The following PRH1 variants were observed in gnomAD, a reference collection of about 807,000 sequenced individuals.
PRH1 encodes the protein salivary acidic proline-rich phosphoprotein 1/2.
Under a neutral mutation model 7.9 loss-of-function variants are expected in PRH1, and 7 were observed. The observed-to-expected ratio is 0.89, with a 90% CI of 0.50 to 1.67. PRH1 has a LOEUF of 1.67. Ranked by LOEUF, PRH1 falls within the 40% of genes most tolerant of loss-of-function variation. PRH1 has a pLI of 0.00. For missense variants in PRH1, 109 were observed against 223.6 expected, an observed-to-expected ratio of 0.49 and a Z score of 3.27; for synonymous variants, 45 against 80.8, an observed-to-expected ratio of 0.56 and a Z score of 2.38.
chr12:11,071,499 G>C (rs1944067934), intron 1 of PRH1, among the ~76,000 whole-genome samples: 1 of 152,178 alleles, frequency 6.6e-6, no homozygotes, highest in Non-Finnish European at 1.5e-5. Flanking sequence ...CAGACACAAA[G>C]GAATGTAGAG....
At chr12:10,938,774 A>G (rs1407255356) in intron 2 of PRH1, 2 of 1,613,620 alleles carry the variant, frequency 1.2e-6, no homozygotes, top group African/African-American at 2.7e-5. Flanking sequence ...TATCAGTGCA[A>G]TATTTAAAAA....
At chr12:11,130,607 G>C (rs1395575713) in intron 1 of PRH1, among the ~76,000 whole-genome samples, 1 of 152,222 alleles carries the variant, frequency 6.6e-6, no homozygotes, top group African/African-American at 2.4e-5. Flanking sequence ...GGAATTCAAA[G>C]CTGCTAGAGG....
chr12:11,060,774 T>C (rs572660149), intron 1 of PRH1, among the ~76,000 whole-genome samples: 1 of 100,220 alleles, frequency 1.0e-5, no homozygotes, highest in East Asian at 2.3e-4. Context: ...TGCATTGTTT[T>C]CTATCAATAA....
intron 1 of PRH1, among the ~76,000 whole-genome samples, chr12:11,123,358 C>G (rs1945982364): frequency 6.6e-6 from 1 of 151,728 alleles, no homozygotes; most frequent in Middle Eastern, 3.2e-3. Flanking sequence ...TTTATACGGT[C>G]CTTGATTATG....
chr12:10,982,529 A>G (rs967312394), intron 1 of PRH1, among the ~76,000 whole-genome samples: 1 of 152,316 alleles, frequency 6.6e-6, no homozygotes, highest in South Asian at 2.1e-4. Flanking sequence ...AGGAAAATCA[A>G]AACAATTTGC....
At chr12:11,073,782 G>A (rs146890616) in intron 1 of PRH1, among the ~76,000 whole-genome samples, 2,020 of 151,900 alleles carry the variant, frequency 0.013, 1 homozygote, top group Middle Eastern at 0.027. Flanking sequence ...GGCATGCATC[G>A]TGGGCATTAT....
At chr12:11,103,448 C>G (rs1436719603) in intron 1 of PRH1, among the ~76,000 whole-genome samples, 2 of 150,430 alleles carry the variant, frequency 1.3e-5, no homozygotes, top group Non-Finnish European at 3.0e-5. Flanking sequence ...GACAGAAAAC[C>G]AAACTCCACG....
At chr12:10,906,498 T>C (rs757104152) in intron 2 of PRH1, among the ~76,000 whole-genome samples, 11 of 152,190 alleles carry the variant, frequency 7.2e-5, no homozygotes, top group Admixed American at 1.3e-4. Flanking sequence ...CAGAATGATA[T>C]GGTCTGGCTG....
In PRH1 at chr12:11,123,018, G is replaced by T. The variant is rs139170805; in HGVS notation, n.40-1838C>A. ...TTTTTTTATTTTCTTTGTACTTTAC[G>T]AACAAAGCATGCAACCCTAAACTCA... On this transcript the variant is annotated intron_variant and non_coding_transcript_variant, in intron 1 of 1. Coordinates refer to the PRH1 transcript ENST00000541175. 2.2e-3 allele frequency among the ~76,000 whole-genome samples: 317 copies of T among 146,650 alleles called. 2 individuals are homozygous for T. The highest frequency in any genetic ancestry group is 3.2e-3 in the Admixed American group (46 of 14,576).
chr12:11,047,596 T>C (rs1194562377), upstream of PRH1, among the ~76,000 whole-genome samples: 1 of 152,100 alleles, frequency 6.6e-6, no homozygotes, highest in Non-Finnish European at 1.5e-5. Context: ...ATAACAGCAC[T>C]GAAAGTATCA....
At chr12:11,070,786 A>T (rs1455950812) in intron 1 of PRH1, among the ~76,000 whole-genome samples, 6 of 151,540 alleles carry the variant, frequency 4.0e-5, no homozygotes, top group African/African-American at 1.5e-4. Context: ...GGTCCATGAG[A>T]TGGAGTAGGA....
chr12:10,908,351 T>C (rs1949836004), intron 2 of PRH1: 4 of 1,564,996 alleles, frequency 2.6e-6, no homozygotes, highest in Non-Finnish European at 3.5e-6. Context: ...TATTCAATAA[T>C]CTGTGGTCTG....
intron 1 of PRH1, among the ~76,000 whole-genome samples, chr12:11,074,741 G>A (rs1206685463): frequency 8.6e-6 from 1 of 115,710 alleles, no homozygotes; most frequent in African/African-American, 2.9e-5. Flanking sequence ...GTTGGATAAT[G>A]TAAGGAAGAA....
At chr12:10,930,316 T>C (rs1330780133) in intron 2 of PRH1, 33 of 1,609,136 alleles carry the variant, frequency 2.1e-5, no homozygotes, top group Non-Finnish European at 2.7e-5. Flanking sequence ...TAAATCCCAA[T>C]AAATTCTCAG....
At chr12:10,922,286 C>CT (rs2135849412) in intron 2 of PRH1, among the ~76,000 whole-genome samples, 1 of 152,188 alleles carries the variant, frequency 6.6e-6, no homozygotes, top group African/African-American at 2.4e-5. Context: ...ATCTGGAAAA[C>CT]TTTTTTATAA....
chr12:10,883,369 G>A (rs1639659681), intron 1 of PRH1, among the ~76,000 whole-genome samples: 2 of 152,120 alleles, frequency 1.3e-5, no homozygotes, highest in Admixed American at 6.5e-5. Flanking sequence ...AGATACAATA[G>A]GTCTTCTGAT....
chr12:11,070,792 T>C (rs113849694), intron 1 of PRH1, among the ~76,000 whole-genome samples: 1 of 151,450 alleles, frequency 6.6e-6, no homozygotes, highest in East Asian at 1.9e-4. Context: ...TGAGATGGAG[T>C]AGGAGATTTT....
At chr12:10,896,273 C>T (rs1351192540) in intron 2 of PRH1, among the ~76,000 whole-genome samples, 1 of 152,084 alleles carries the variant, frequency 6.6e-6, no homozygotes, top group Non-Finnish European at 1.5e-5. Context: ...TATGATGTAT[C>T]CCTTTGATTC....
upstream of PRH1, chr12:11,171,482 C>T (rs1947842652): frequency 6.5e-6 from 8 of 1,232,402 alleles, no homozygotes; most frequent in Non-Finnish European, 8.1e-6. Context: ...TCGAGCTGGC[C>T]TGGCAGCTGC....
Sources: allele counts gnomAD v4.1 joint callset (sites outside exome capture counted in the v4.1 genomes callset), GRCh38; gene constraint gnomAD v4.1.1; transcripts MANE v1.5; gene names NCBI Gene and HGNC (gene_info 2026-07-23, HGNC 2026-07-21).